COL23A1: variants seen among roughly 807,000 people sequenced by gnomAD.
The protein encoded by COL23A1 is collagen alpha-1(XXIII) chain.
A neutral mutation model predicts 99.3 loss-of-function variants in COL23A1; 97 were observed. That is an observed-to-expected ratio of 0.98 (90% CI 0.83 to 1.16). The LOEUF is 1.16. Ranked by LOEUF, COL23A1 falls within the 50% of genes most tolerant of loss-of-function variation. COL23A1 has a pLI of 0.00. For missense variants in COL23A1, 762 were observed against 757.4 expected, an observed-to-expected ratio of 1.01 and a Z score of -0.07; for synonymous variants, 320 against 308.2, an observed-to-expected ratio of 1.04 and a Z score of -0.40.
intron 2 of COL23A1, among the ~76,000 whole-genome samples, chr5:178,358,743 G>C (rs1005582325): frequency 9.2e-6 from 1 of 108,762 alleles, no homozygotes; most frequent in Admixed American, 8.5e-5. Flanking sequence ...ATGTGTATCT[G>C]TGTGTGTATC....
chr5:178,430,229 C>G (rs927523340), intron 2 of COL23A1, among the ~76,000 whole-genome samples: 1 of 152,202 alleles, frequency 6.6e-6, no homozygotes, highest in Admixed American at 6.5e-5. Context: ...AACGATCACA[C>G]CCCATAAGGA....
intron 1 of COL23A1, among the ~76,000 whole-genome samples, chr5:178,588,575 G>C (rs1307653131): frequency 1.3e-5 from 2 of 152,204 alleles, no homozygotes; most frequent in Admixed American, 6.5e-5. Context: ...CAGCAGGGCT[G>C]AGAGAGAGTT....
In COL23A1 at chr5:178,544,684, C is replaced by A. The variant is rs1402785375; in HGVS notation, c.361+15998G>T. Among the ~76,000 whole-genome samples the A allele has an allele frequency of 1.3e-5, 2 of 152,158 alleles. No homozygotes were observed. Among genetic ancestry groups the A allele is most frequent in the African/African-American group, 4.8e-5 (2 of 41,432 alleles). The stretch of plus-strand genomic sequence containing the variant: ...ATGGGAGGTGACGATCAGGGGCGGT[C>A]ACCTTCCAGTCCTGTAAGTGGCAAA... On this transcript the variant is annotated intron_variant, in intron 2 of 28. Transcript: ENST00000390654. The surrounding 1 kb of genome is among the most constrained non-coding windows in gnomAD (Gnocchi z 4.4).
At chr5:178,459,529 A>T (rs1258397054) in intron 2 of COL23A1, among the ~76,000 whole-genome samples, 1 of 152,212 alleles carries the variant, frequency 6.6e-6, no homozygotes, top group African/African-American at 2.4e-5. Flanking sequence ...TGGGAGGCCA[A>T]GGCAGGTGGA....
chr5:178,580,660 G>A (rs1465018876), intron 1 of COL23A1, among the ~76,000 whole-genome samples: 4 of 152,154 alleles, frequency 2.6e-5, no homozygotes, highest in Non-Finnish European at 5.9e-5. Context: ...AATTACATTC[G>A]TTCACATAAC....
At chr5:178,342,096 C>T (rs569348835) in intron 2 of COL23A1, among the ~76,000 whole-genome samples, 3 of 152,294 alleles carry the variant, frequency 2.0e-5, no homozygotes, top group South Asian at 4.1e-4. Flanking sequence ...CTCCTCAGTG[C>T]CCAGCTCTGA....
intron 2 of COL23A1, among the ~76,000 whole-genome samples, chr5:178,503,559 G>C (rs192534126): frequency 4.0e-4 from 61 of 152,282 alleles, no homozygotes; most frequent in Admixed American, 1.8e-3. Flanking sequence ...AAGTATTTAG[G>C]GGTGAGGGGC....
intron 2 of COL23A1, among the ~76,000 whole-genome samples, chr5:178,333,668 G>A (rs529165257): frequency 6.6e-6 from 1 of 152,226 alleles, no homozygotes; most frequent in Admixed American, 6.5e-5. Flanking sequence ...ATCCTGGGTG[G>A]TGATCATCAG....
At chr5:178,462,823 C>T (rs1448037126) in intron 2 of COL23A1, among the ~76,000 whole-genome samples, 1 of 152,180 alleles carries the variant, frequency 6.6e-6, no homozygotes, top group African/African-American at 2.4e-5. Context: ...TTTTCATTAA[C>T]AAATGTCCCC....
rs114737823 is a variant in COL23A1 at position 178,290,862 on chromosome 5, G to T, written c.407-493C>A. Among the ~76,000 whole-genome samples, 879 of 152,314 alleles carry T rather than the reference G, an allele frequency of 5.8e-3. 7 individuals carry two copies. Among genetic ancestry groups the T allele is most frequent in the African/African-American group, 0.02 (811 of 41,568 alleles). ...AGCTCCAGGGTTAGAAATGCATGAGGAGTAGCAGGGCCTGGGGCTGCAGCT... is the reference window on the plus strand; with the variant it reads ...AGCTCCAGGGTTAGAAATGCATGAGTAGTAGCAGGGCCTGGGGCTGCAGCT... On this transcript the variant is annotated intron_variant, in intron 3 of 28. Coordinates refer to ENST00000390654, the MANE Select transcript of COL23A1 (RefSeq NM_173465.4).
chr5:178,584,979 G>C (rs1281464048), intron 1 of COL23A1, among the ~76,000 whole-genome samples: 1 of 152,134 alleles, frequency 6.6e-6, no homozygotes. Context: ...TCACTTCGGG[G>C]GCAGAACAGC....
intron 2 of COL23A1, among the ~76,000 whole-genome samples, chr5:178,321,520 C>T (rs1372691650): frequency 1.5e-5 from 2 of 130,966 alleles, no homozygotes; most frequent in African/African-American, 2.9e-5. Flanking sequence ...GATGCAGTCT[C>T]GCTCTGTTGC....
Position 178,306,749 on chromosome 5 carries a change from G to T in COL23A1, c.406+126C>A. The stretch of plus-strand genomic sequence containing the variant: ...CGGCAGCTGGACTTGGAAGGGGGAG[G>T]AGCACCTGCCCAGGACCAAGGCATG... On this transcript the variant is annotated intron_variant, in intron 3 of 28. Transcript: ENST00000390654. This position sits in a 1 kb window ranked among gnomAD's most constrained non-coding sequence, Gnocchi z 4.1. 1 of 594,810 alleles carries T rather than the reference G, an allele frequency of 1.7e-6. No individual in the cohort carries two copies. Among genetic ancestry groups the T allele is most frequent in the South Asian group, 3.6e-5 (1 of 28,074 alleles). The allele number at this position is 594,810 out of a possible 1,614,324, so 36.8% of individuals were successfully genotyped here.
At chr5:178,247,199 A>G (rs1252968964) in intron 22 of COL23A1, among the ~76,000 whole-genome samples, 1 of 152,148 alleles carries the variant, frequency 6.6e-6, no homozygotes. Flanking sequence ...AGGTGGGGAC[A>G]GTGCAAGGAA....
intron 2 of COL23A1, chr5:178,438,561 C>T (rs1290303434): frequency 6.6e-6 from 1 of 152,082 alleles, no homozygotes; most frequent in Non-Finnish European, 1.5e-5. Context: ...TGGTTCCTTA[C>T]CCAAAAATAC....
At chr5:178,345,089 C>A in intron 2 of COL23A1, 1 of 591,698 alleles carries the variant, frequency 1.7e-6, no homozygotes. Flanking sequence ...TTCATCTCTT[C>A]CTGGTAATTG....
At chr5:178,555,325 C>A (rs1762213327) in intron 2 of COL23A1, among the ~76,000 whole-genome samples, 1 of 152,154 alleles carries the variant, frequency 6.6e-6, no homozygotes, top group Non-Finnish European at 1.5e-5. Flanking sequence ...CAGTTCAACC[C>A]ATAACACTCC....
At position 178,508,804 on chromosome 5, in the gene COL23A1, T is replaced by C. The variant is rs1179532386; in HGVS notation, c.361+51878A>G. On this transcript the variant is annotated intron_variant, in intron 2 of 28. Coordinates refer to ENST00000390654, the MANE Select transcript of COL23A1 (RefSeq NM_173465.4). ...ATCCTTTGGCTAGAGAGCAGGCTTTTGTTGTGAGGTCACCACTGTGTCATT... is the reference window on the plus strand; with the variant it reads ...ATCCTTTGGCTAGAGAGCAGGCTTTCGTTGTGAGGTCACCACTGTGTCATT... Among the ~76,000 whole-genome samples the C allele has an allele frequency of 2.0e-5, 3 of 152,222 alleles. No individual in the cohort carries two copies. In the East Asian group the frequency reaches 5.8e-4, roughly 29 times the overall value.
intron 1 of COL23A1, among the ~76,000 whole-genome samples, chr5:178,579,944 C>T (rs909726989): frequency 6.6e-6 from 1 of 152,164 alleles, no homozygotes; most frequent in Non-Finnish European, 1.5e-5. Context: ...CCCATTGCCA[C>T]CAGGGGCCAA....
Sources: gnomAD v4.1 joint callset for allele counts (sites outside exome capture counted in the v4.1 genomes callset) on GRCh38, gnomAD v4.1.1 for gene constraint, Gnocchi (gnomAD v3.1) non-coding constraint, MANE v1.5 for transcripts, NCBI Gene and HGNC (gene_info 2026-07-23, HGNC 2026-07-21) for gene names.